The following GLIS3 variants were observed in gnomAD, a reference collection of about 807,000 sequenced individuals.
The protein encoded by GLIS3 is GLIS family zinc finger 3.
Under a neutral mutation model 78.6 loss-of-function variants are expected in GLIS3, and 53 were observed. The ratio of observed to expected loss-of-function variants is 0.67; its 90% CI spans 0.54 to 0.85. GLIS3 has a LOEUF of 0.85. GLIS3 is among the 40% of genes least tolerant of loss of function. The pLI, the probability that GLIS3 is intolerant of heterozygous loss-of-function variation, is 0.00. For missense variants in GLIS3, 1,703 were observed against 1,231.1 expected (o/e 1.38, Z -5.74); for synonymous variants, 684 against 509.9 (o/e 1.34, Z -4.60).
intron 4 of GLIS3, among the ~76,000 whole-genome samples, chr9:4,114,003 A>C (rs1220294247): frequency 1.5e-5 from 2 of 130,088 alleles, no homozygotes; most frequent in African/African-American, 5.9e-5. Flanking sequence ...AAAAATAAAC[A>C]AAATTTAAGC....
intron 2 of GLIS3, among the ~76,000 whole-genome samples, chr9:4,333,848 A>G (rs887757466): frequency 2.8e-4 from 42 of 151,620 alleles, no homozygotes; most frequent in African/African-American, 9.5e-4. Context: ...AGCTCCAAAC[A>G]ACACTTTACA....
In GLIS3 at chr9:4,041,383, G is replaced by T. The variant is rs186472395; in HGVS notation, c.1710+76385C>A. On this transcript the variant is annotated intron_variant, in intron 4 of 10. Coordinates refer to ENST00000381971, the MANE Select transcript of GLIS3 (RefSeq NM_001042413.2). Reference sequence around the variant, plus strand: ...TCTTGCCCCCAGTGTCATTAATGCTGCTTTTGAGAAGCCTTGCTTTAGGCA... The same window carrying T: ...TCTTGCCCCCAGTGTCATTAATGCTTCTTTTGAGAAGCCTTGCTTTAGGCA... 1.7e-3 allele frequency among the ~76,000 whole-genome samples: 252 copies of T among 152,278 alleles called. 1 individual carries two copies. The highest frequency in any genetic ancestry group is 5.7e-3 in the African/African-American group (236 of 41,548).
intron 2 of GLIS3, among the ~76,000 whole-genome samples, chr9:4,248,516 T>C (rs1824028962): frequency 6.6e-6 from 1 of 152,218 alleles, no homozygotes; most frequent in South Asian, 2.1e-4. Flanking sequence ...TGGTTCCAAC[T>C]CTTTGCTATT....
At chr9:4,280,417 A>G (rs1482135612) in intron 2 of GLIS3, among the ~76,000 whole-genome samples, 1 of 152,206 alleles carries the variant, frequency 6.6e-6, no homozygotes, top group South Asian at 2.1e-4. Flanking sequence ...ATATAACATG[A>G]AAGATACTGG....
the GLIS3 span, among the ~76,000 whole-genome samples, chr9:4,453,349 A>C: frequency 7.5e-6 from 1 of 133,550 alleles, no homozygotes; most frequent in Non-Finnish European, 1.5e-5. Flanking sequence ...GCACAGCAAA[A>C]AAAAAAAAAA....
chr9:3,909,965 G>T (rs1463449385), intron 6 of GLIS3, among the ~76,000 whole-genome samples: 1 of 152,132 alleles, frequency 6.6e-6, no homozygotes, highest in African/African-American at 2.4e-5. Context: ...TTATAGTAAT[G>T]AAGTGCACAG....
At chr9:4,079,581 T>C (rs1280215726) in intron 4 of GLIS3, among the ~76,000 whole-genome samples, 2 of 152,198 alleles carry the variant, frequency 1.3e-5, no homozygotes, top group Non-Finnish European at 2.9e-5. Flanking sequence ...GCCTTTGGGA[T>C]GCCGTTAAAG....
At chr9:4,011,041 T>A (rs1249691583) in intron 4 of GLIS3, among the ~76,000 whole-genome samples, 1 of 151,444 alleles carries the variant, frequency 6.6e-6, no homozygotes, top group African/African-American at 2.4e-5. Flanking sequence ...CAGCGGGGAG[T>A]GGAGGTAGAT....
intron 2 of GLIS3, among the ~76,000 whole-genome samples, chr9:4,321,268 A>G (rs530460817): frequency 2.9e-5 from 3 of 102,310 alleles, no homozygotes; most frequent in Non-Finnish European, 6.0e-5. Flanking sequence ...AAAATACAAA[A>G]AAAATTAGCC....
intron 4 of GLIS3, among the ~76,000 whole-genome samples, chr9:4,095,201 G>C (rs1829845761): frequency 6.6e-6 from 1 of 152,004 alleles, no homozygotes; most frequent in African/African-American, 2.4e-5. Flanking sequence ...ACCCTTCCCA[G>C]CCTCTAGTAT....
rs1825927016 is a variant in GLIS3, at chr9:3,936,881, G to C, written c.1872+147C>G. 20 of 1,017,144 alleles carry C rather than the reference G, an allele frequency of 2.0e-5. No homozygotes were observed. The South Asian group carries it at 2.8e-4, about 14-fold the overall frequency. 63.0% of individuals were successfully genotyped at this position (1,017,144 alleles called of 1,614,324 possible). A position where few individuals can be genotyped will look rare whatever the true frequency, so the allele number is the denominator to read the frequency against. On this transcript the variant is annotated intron_variant, in intron 5 of 10. Coordinates refer to ENST00000381971, the MANE Select transcript of GLIS3 (RefSeq NM_001042413.2). ...AGCCAAATAAATAGGGCCCCATCTGGCCTTTTACCAGGCTCCACTGCTGCC... is the reference window on the plus strand; with the variant it reads ...AGCCAAATAAATAGGGCCCCATCTGCCCTTTTACCAGGCTCCACTGCTGCC...
intron 4 of GLIS3, among the ~76,000 whole-genome samples, chr9:4,022,961 AT>A (rs1458357431): frequency 6.6e-6 from 1 of 152,212 alleles, no homozygotes; most frequent in Non-Finnish European, 1.5e-5. Flanking sequence ...TTTGGAGGTG[AT>A]AAAAATGCTC....
At chr9:4,010,311 T>C (rs181698997) in intron 4 of GLIS3, among the ~76,000 whole-genome samples, 12 of 152,232 alleles carry the variant, frequency 7.9e-5, no homozygotes, top group Admixed American at 7.2e-4. Context: ...GCGTTTTCAG[T>C]TGCAATATGG....
At chr9:4,265,002 T>G (rs1332852651) in intron 2 of GLIS3, among the ~76,000 whole-genome samples, 1 of 145,566 alleles carries the variant, frequency 6.9e-6, no homozygotes, top group Non-Finnish European at 1.5e-5. Flanking sequence ...CCATCTCTAC[T>G]AAAAATACAA....
At chr9:4,075,918 G>T (rs1332573479) in intron 4 of GLIS3, among the ~76,000 whole-genome samples, 1 of 152,140 alleles carries the variant, frequency 6.6e-6, no homozygotes, top group Non-Finnish European at 1.5e-5. Flanking sequence ...TAATCTAAAG[G>T]AATAGAAAGC....
At chr9:3,840,027 C>G (rs956703162) in intron 9 of GLIS3, among the ~76,000 whole-genome samples, 1 of 152,144 alleles carries the variant, frequency 6.6e-6, no homozygotes, top group Non-Finnish European at 1.5e-5. Flanking sequence ...CCAGATGACC[C>G]ATTAACGAAT....
the GLIS3 span, among the ~76,000 whole-genome samples, chr9:4,459,731 CACTGCAGCCCATG>C: frequency 6.6e-6 from 1 of 152,148 alleles, no homozygotes. Context: ...TCAAGTGAGC[CACTGCAGCCCATG>C]GCTGCAGTCA....
At chr9:4,071,036 C>T (rs1365846957) in intron 4 of GLIS3, 1 of 152,120 alleles carries the variant, frequency 6.6e-6, no homozygotes. Context: ...GTTTATGATG[C>T]TTTGACCAAT....
At chr9:3,887,698 A>G (rs777900203) in intron 7 of GLIS3, among the ~76,000 whole-genome samples, 25 of 152,236 alleles carry the variant, frequency 1.6e-4, no homozygotes, top group Non-Finnish European at 2.5e-4. Context: ...CAATACAACT[A>G]GAAGATAATG....
Sources: gnomAD v4.1 joint callset for allele counts (sites outside exome capture counted in the v4.1 genomes callset) on GRCh38, gnomAD v4.1.1 for gene constraint, MANE v1.5 for transcripts, NCBI Gene and HGNC (gene_info 2026-07-23, HGNC 2026-07-21) for gene names.